FAM107A: variants seen among roughly 807,000 people sequenced by gnomAD.
The protein encoded by FAM107A is family with sequence similarity 107 member A, also known as actin-associated protein FAM107A.
A neutral mutation model predicts 13.7 loss-of-function variants in FAM107A; 19 were observed. That is an observed-to-expected ratio of 1.38 (90% CI 0.97 to 2.03). The LOEUF (loss-of-function observed/expected upper bound fraction) is 2.03. FAM107A is among the 30% of genes most tolerant of loss of function. FAM107A has a pLI of 0.00. For missense variants in FAM107A, 203 were observed against 184.4 expected (o/e 1.10, Z -0.58); for synonymous variants, 82 against 74.5 (o/e 1.10, Z -0.52).
At chr3:58,577,892 G>A (rs780038960), upstream of FAM107A, 24 of 190,650 alleles carry the variant, frequency 1.3e-4, no homozygotes, top group Admixed American at 8.5e-4. The surrounding 1 kb of genome is among the most constrained non-coding windows in gnomAD (Gnocchi z 4.9). Context: ...CGTACACAGC[G>A]TTTTCCTGAT....
chr3:58,586,417 CAGAAAGGAGGA>C (rs2065605982), intron 1 of FAM107A, among the ~76,000 whole-genome samples: 1 of 151,836 alleles, frequency 6.6e-6, no homozygotes, highest in African/African-American at 2.4e-5. Flanking sequence ...GAAAGAAAGG[CAGAAAGGAGGA>C]AGAAAAAAAA....
rs2063669602 is a variant in FAM107A at position 58,570,397 on chromosome 3, G to A, written c.-5-532C>T. 3 of 984,554 alleles carry A rather than the reference G, an allele frequency of 3.0e-6. No homozygotes were observed. In the South Asian group the frequency reaches 1.4e-4, roughly 46 times the overall value. 61.0% of individuals were successfully genotyped at this position (984,554 alleles called of 1,614,324 possible). The stretch of plus-strand genomic sequence containing the variant: ...CATTTTCTTCACATCAAAGAGGAGA[G>A]CATGAAATTCAGAGACTGCTGTGTC... On this transcript the variant is annotated intron_variant, in intron 1 of 3. Transcript: ENST00000360997.
At chr3:58,587,703 A>G (rs1348179265), upstream of FAM107A, among the ~76,000 whole-genome samples, 1 of 152,100 alleles carries the variant, frequency 6.6e-6, no homozygotes, top group Admixed American at 6.5e-5. Flanking sequence ...GAGTGTCTGT[A>G]ACAATCAGAG....
At chr3:58,614,450 A>AT (rs2108080536) in intron 1 of FAM107A, among the ~76,000 whole-genome samples, 1 of 151,932 alleles carries the variant, frequency 6.6e-6, no homozygotes, top group Non-Finnish European at 1.5e-5. Flanking sequence ...GAACTCACCT[A>AT]TAAAACTGCT....
At chr3:58,583,702 A>G (rs1483816404) in intron 1 of FAM107A, among the ~76,000 whole-genome samples, 21 of 140,080 alleles carry the variant, frequency 1.5e-4, no homozygotes, top group African/African-American at 5.1e-4. Context: ...TTGGGGGGGG[A>G]CACGGTCTTG....
chr3:58,575,315 G>A (rs1364190726), intron 1 of FAM107A, among the ~76,000 whole-genome samples: 3 of 152,144 alleles, frequency 2.0e-5, no homozygotes. Flanking sequence ...CAGTTTGGAG[G>A]GTGAAGTGAT....
chr3:58,612,110 A>G (rs76390994), intron 1 of FAM107A, among the ~76,000 whole-genome samples: 509 of 152,324 alleles, frequency 3.3e-3, no homozygotes, highest in African/African-American at 0.012. Context: ...CCAACTTCAT[A>G]GAAACCCACC....
chr3:58,618,893 G>C lies in FAM107A; in HGVS notation c.-70+8523C>G, dbSNP rs370404876. 5.3e-5 allele frequency among the ~76,000 whole-genome samples: 8 copies of C among 152,324 alleles called. 1 individual carries two copies. The South Asian group carries it at 1.7e-3, about 32-fold the overall frequency. ...TTTTGCCTCTTGTGTCTTTGTCTCT[G>C]TGTCTCTGTCTTTCTCTCTTATCTC... On this transcript the variant is annotated intron_variant, in intron 1 of 3. Coordinates refer to the FAM107A transcript ENST00000465970.
chr3:58,620,774 A>G lies in FAM107A; in HGVS notation c.-70+6642T>C, dbSNP rs531801997. Among the ~76,000 whole-genome samples the G allele has an allele frequency of 2.0e-5, 3 of 152,344 alleles. No homozygotes were observed. In the South Asian group the frequency reaches 6.2e-4, roughly 32 times the overall value. Reference sequence around the variant, plus strand: ...CCCAACCTGTACACCTGTTTGAAGCAGCCCTGGGCATTCAAACCTTGAACC... The same window carrying G: ...CCCAACCTGTACACCTGTTTGAAGCGGCCCTGGGCATTCAAACCTTGAACC... On this transcript the variant is annotated intron_variant, in intron 1 of 3. Transcript: ENST00000465970.
At chr3:58,599,657 TA>T (rs2065735637) in intron 1 of FAM107A, among the ~76,000 whole-genome samples, 1 of 147,258 alleles carries the variant, frequency 6.8e-6, no homozygotes, top group South Asian at 2.1e-4. Context: ...TTTCAGTTTC[TA>T]AAAATGTGTT....
intron 1 of FAM107A, among the ~76,000 whole-genome samples, chr3:58,614,631 A>C (rs2065884955): frequency 6.6e-6 from 1 of 151,712 alleles, no homozygotes; most frequent in Non-Finnish European, 1.5e-5. Flanking sequence ...CAGCCTCCCA[A>C]GTATCTGGGA....
chr3:58,599,273 C>T (rs982283996), intron 1 of FAM107A, among the ~76,000 whole-genome samples: 1 of 152,170 alleles, frequency 6.6e-6, no homozygotes, highest in South Asian at 2.1e-4. Context: ...TAATTCTACT[C>T]CAAACACCCT....
intron 1 of FAM107A, among the ~76,000 whole-genome samples, chr3:58,599,716 T>A (rs1429222157): frequency 8.4e-6 from 1 of 119,500 alleles, no homozygotes; most frequent in South Asian, 2.6e-4. Flanking sequence ...TTTTTTTTTT[T>A]TTTTTTTTTT....
intron 1 of FAM107A, among the ~76,000 whole-genome samples, chr3:58,570,828 C>T (rs544055886): frequency 1.8e-4 from 28 of 152,284 alleles, no homozygotes; most frequent in East Asian, 3.9e-4. Context: ...ATGCAGTAGG[C>T]GATCAATACA....
intron 3 of FAM107A, 153 bp downstream of exon 3, chr3:58,567,055 G>C: frequency 2.2e-6 from 2 of 927,724 alleles, no homozygotes; most frequent in Non-Finnish European, 3.4e-6. Flanking sequence ...CAAAGTGAAT[G>C]GCAGAGGGAG....
At position 58,569,726 on chromosome 3, in the gene FAM107A, C is replaced by A; in HGVS notation, c.135G>T (p.Gln45His). Reference sequence around the variant, plus strand: ...TCATGAGCAGCTCCCGGTGGAGCTCCTGGTGACTCCGAGAGGCCTTCACGG... The same window carrying A: ...TCATGAGCAGCTCCCGGTGGAGCTCATGGTGACTCCGAGAGGCCTTCACGG... ...LNPVKASRSH[Q>H]ELHRELLMNH... The change falls in exon 2 of 4, where the codon CAG (glutamine) becomes CAT (histidine). Residue 45 changes from glutamine to histidine, a missense_variant. Gln to His is a conservative substitution (Grantham distance 24). Transcript: ENST00000360997. This position sits in a 1 kb window ranked among gnomAD's most constrained non-coding sequence, Gnocchi z 5.7. 1 of 1,614,014 alleles carries A rather than the reference C, an allele frequency of 6.2e-7. No individual in the cohort carries two copies. The highest frequency in any genetic ancestry group is 1.1e-5 in the South Asian group (1 of 91,066).
chr3:58,611,975 TTC>T (rs2065859147), intron 1 of FAM107A, among the ~76,000 whole-genome samples: 1 of 152,072 alleles, frequency 6.6e-6, no homozygotes, highest in South Asian at 2.1e-4. Context: ...TTTTTTCTTC[TTC>T]TTTTTTTCAT....
At chr3:58,582,923 C>T (rs141152572) in intron 1 of FAM107A, among the ~76,000 whole-genome samples, 3,390 of 152,202 alleles carry the variant, frequency 0.022, 141 homozygotes, top group African/African-American at 0.078. Context: ...CTCAGCCTCC[C>T]GAGTAGCTGG....
intron 1 of FAM107A, chr3:58,573,764 C>T (rs2063707292): frequency 6.6e-6 from 1 of 152,330 alleles, no homozygotes; most frequent in Admixed American, 6.5e-5. Flanking sequence ...CTGTCCATGC[C>T]TCCCTACCCT....
Sources: gnomAD v4.1 joint callset for allele counts (sites outside exome capture counted in the v4.1 genomes callset) on GRCh38, gnomAD v4.1.1 for gene constraint, Gnocchi (gnomAD v3.1) non-coding constraint, MANE v1.5 for transcripts, NCBI Gene and HGNC (gene_info 2026-07-23, HGNC 2026-07-21) for gene names.